Variants in DPYD observed in about 807,000 individuals in gnomAD.
DPYD encodes dihydropyrimidine dehydrogenase [NADP(+)].
DPYD carries 109 observed loss-of-function variants against 116.2 expected under a neutral mutation model. The observed-to-expected ratio is 0.94, with a 90% CI of 0.80 to 1.10. The LOEUF is 1.10. Ranked by LOEUF, DPYD falls within the 50% of genes least tolerant of loss-of-function variation. The probability of loss-of-function intolerance (pLI) is 0.00; values close to 1 mark genes in which losing one functional copy is unlikely to be tolerated. For synonymous variants in DPYD, 440 were observed against 432.0 expected (o/e 1.02, Z -0.23); for missense variants, 1,302 against 1,254.5 (o/e 1.04, Z -0.57).
At chr1:97,619,239 G>T (rs1656487435) in intron 8 of DPYD, among the ~76,000 whole-genome samples, 1 of 152,072 alleles carries the variant, frequency 6.6e-6, no homozygotes, top group African/African-American at 2.4e-5. Flanking sequence ...TTTTAGGATT[G>T]CTAGAGATGC....
chr1:97,792,369 G>A (rs934721781), intron 3 of DPYD, among the ~76,000 whole-genome samples: 2 of 152,004 alleles, frequency 1.3e-5, no homozygotes, highest in South Asian at 4.2e-4. Context: ...CACCCCCCAG[G>A]TTCAAGCAAT....
intron 18 of DPYD, among the ~76,000 whole-genome samples, chr1:97,240,359 G>T (rs944934022): frequency 2.6e-5 from 4 of 151,880 alleles, no homozygotes; most frequent in Non-Finnish European, 5.9e-5. Flanking sequence ...GAAGAAAAAA[G>T]GAATTTTTAA....
chr1:97,358,259 G>C (rs1490718203), intron 16 of DPYD, among the ~76,000 whole-genome samples: 1 of 152,218 alleles, frequency 6.6e-6, no homozygotes, highest in Admixed American at 6.5e-5. Flanking sequence ...AGGGGCATCT[G>C]CCATTGCTGA....
At chr1:97,361,276 G>C (rs1362355218) in intron 16 of DPYD, among the ~76,000 whole-genome samples, 1 of 152,074 alleles carries the variant, frequency 6.6e-6, no homozygotes, top group East Asian at 1.9e-4. Context: ...TCTCTGAATA[G>C]ACCAATAACA....
chr1:97,356,963 C>G (rs1670456201), intron 16 of DPYD, among the ~76,000 whole-genome samples: 1 of 152,154 alleles, frequency 6.6e-6, no homozygotes, highest in Admixed American at 6.5e-5. Flanking sequence ...ATGTCCACAG[C>G]TTTGTTCTTT....
chr1:97,294,089 G>A (rs1666377904), intron 18 of DPYD, among the ~76,000 whole-genome samples: 1 of 152,050 alleles, frequency 6.6e-6, no homozygotes, highest in South Asian at 2.1e-4. Flanking sequence ...AGGAAACAAC[G>A]GCTCTTGCTT....
In DPYD at chr1:97,305,502, A is replaced by G. The variant is rs1264590171; in HGVS notation, c.2180-124T>C. 3.0e-6 allele frequency: 4 copies of G among 1,324,654 alleles called. No homozygotes were observed. The African/African-American group carries it at 4.4e-5, about 14-fold the overall frequency. 82.1% of individuals were successfully genotyped at this position (1,324,654 alleles called of 1,614,324 possible). A position where few individuals can be genotyped will look rare whatever the true frequency, so the allele number is the denominator to read the frequency against. ...ATCTTGAGAACATGTCTTCTCCTCA[A>G]AGTTCTTCACTAATTTAACTCCTAC... On this transcript the variant is annotated intron_variant, in intron 17 of 22. Transcript: ENST00000370192.
chr1:97,273,837 C>T (rs1014355553), intron 18 of DPYD, among the ~76,000 whole-genome samples: 1 of 152,056 alleles, frequency 6.6e-6, no homozygotes, highest in Admixed American at 6.6e-5. Flanking sequence ...GATATCTGTA[C>T]AATTCTGAAA....
intron 13 of DPYD, among the ~76,000 whole-genome samples, chr1:97,487,805 C>A (rs184842767): frequency 7.6e-4 from 115 of 152,236 alleles, no homozygotes; most frequent in African/African-American, 2.6e-3. Context: ...AAAACTAGAT[C>A]ACTTATACAT....
chr1:97,727,180 G>T (rs1663312738), intron 4 of DPYD, among the ~76,000 whole-genome samples: 1 of 151,656 alleles, frequency 6.6e-6, no homozygotes, highest in African/African-American at 2.4e-5. Context: ...AAGGTGTCCA[G>T]AAACAGCATT....
intron 3 of DPYD, among the ~76,000 whole-genome samples, chr1:97,761,564 A>C (rs1284338939): frequency 6.6e-6 from 1 of 152,158 alleles, no homozygotes; most frequent in Non-Finnish European, 1.5e-5. Flanking sequence ...GAATTCTTAC[A>C]CACTGTTGCT....
chr1:97,305,397 C>T lies in DPYD; in HGVS notation c.2180-19G>A. ...GCACCACCTATGCAAGACACATCAACATTTTCATGCAGCTCTTATAAGACA... is the reference window on the plus strand; with the variant it reads ...GCACCACCTATGCAAGACACATCAATATTTTCATGCAGCTCTTATAAGACA... On this transcript the variant is annotated intron_variant, in intron 17 of 22. Transcript: ENST00000370192. The T allele has an allele frequency of 3.1e-6, 5 of 1,611,874 alleles. No individual in the cohort carries two copies. The highest frequency in any genetic ancestry group is 4.2e-6 in the Non-Finnish European group (5 of 1,178,498).
chr1:97,730,122 TTC>T (rs1176540413), intron 4 of DPYD, among the ~76,000 whole-genome samples: 1 of 152,204 alleles, frequency 6.6e-6, no homozygotes, highest in African/African-American at 2.4e-5. Flanking sequence ...GTCTTATTTT[TTC>T]TTTTATTAAT....
chr1:97,470,314 C>A (rs901891869), intron 13 of DPYD, among the ~76,000 whole-genome samples: 16 of 151,692 alleles, frequency 1.1e-4, no homozygotes, highest in African/African-American at 3.9e-4. Flanking sequence ...TGAAGATAGT[C>A]AGAGATAACA....
rs780473520 is a variant in DPYD, at chr1:97,382,356, A to C, written c.1974+37T>G. The C allele has an allele frequency of 2.3e-6, 3 of 1,304,654 alleles. No individual in the cohort carries two copies. In the South Asian group the frequency reaches 4.5e-5, roughly 19 times the overall value. 80.8% of individuals were successfully genotyped at this position (1,304,654 alleles called of 1,614,324 possible). Reference sequence around the variant, plus strand: ...TTTAAAACTAATAAAAATAGGAGAGAAGAAATAAAATAAATATATACTAAA... The same window carrying C: ...TTTAAAACTAATAAAAATAGGAGAGCAGAAATAAAATAAATATATACTAAA... On this transcript the variant is annotated intron_variant, in intron 15 of 22. Transcript: ENST00000370192.
rs752020412 is a variant in DPYD, at chr1:97,593,262, C to T, written c.1084G>A (p.Val362Ile). The T allele has an allele frequency of 1.2e-6, 2 of 1,614,078 alleles. No homozygotes were observed. Among genetic ancestry groups the T allele is most frequent in the Admixed American group, 1.7e-5 (1 of 60,016 alleles). Reference sequence around the variant, plus strand: ...ATATTAACAAAGCCTTTTCTGAAGACGATGAACACACGGCGAGCTCCACAA... The same window carrying T: ...ATATTAACAAAGCCTTTTCTGAAGATGATGAACACACGGCGAGCTCCACAA... ...LRCGARRVFIVFRKGFVNIRA... is the reference protein window; with the variant it reads ...LRCGARRVFIIFRKGFVNIRA... Residue 362 changes from valine to isoleucine, a missense_variant, in exon 10 of 23, where the codon GTC (valine) becomes ATC (isoleucine). By Grantham distance (29) the Val-to-Ile change is conservative (BLOSUM62 3). Transcript: ENST00000370192.
At chr1:97,564,467 C>T (rs61789185) in intron 11 of DPYD, among the ~76,000 whole-genome samples, 2,756 of 152,262 alleles carry the variant, frequency 0.018, 52 homozygotes, top group Non-Finnish European at 0.024. Flanking sequence ...ATGAACAGCT[C>T]CTGCTGTAGG....
intron 8 of DPYD, among the ~76,000 whole-genome samples, chr1:97,670,571 T>C (rs920473570): frequency 1.3e-5 from 2 of 152,216 alleles, no homozygotes; most frequent in Non-Finnish European, 2.9e-5. Context: ...CTCAGACTTC[T>C]AGCCTCCAGA....
At chr1:97,184,719 T>A (rs911123101) in intron 20 of DPYD, among the ~76,000 whole-genome samples, 1 of 152,176 alleles carries the variant, frequency 6.6e-6, no homozygotes, top group African/African-American at 2.4e-5. Context: ...GAACTATTAT[T>A]GTACATTGTT....
Sources: allele counts gnomAD v4.1 joint callset (sites outside exome capture counted in the v4.1 genomes callset), GRCh38; gene constraint gnomAD v4.1.1; transcripts MANE v1.5; gene names NCBI Gene and HGNC (gene_info 2026-07-23, HGNC 2026-07-21).